The following PPP4R1 variants were observed in gnomAD, a reference collection of about 807,000 sequenced individuals.
The protein encoded by PPP4R1 is protein phosphatase 4 regulatory subunit 1.
Under a neutral mutation model 111.2 loss-of-function variants are expected in PPP4R1, and 42 were observed. The observed-to-expected ratio is 0.38, with a 90% CI of 0.29 to 0.49. The LOEUF is 0.49. PPP4R1 is among the 20% of genes least tolerant of loss of function. The pLI, the probability that PPP4R1 is intolerant of heterozygous loss-of-function variation, is 0.97. For missense variants in PPP4R1, 1,012 were observed against 1,161.6 expected (o/e 0.87, Z 1.87); for synonymous variants, 409 against 405.5 (o/e 1.01, Z -0.10).
chr18:9,578,590 A>C (rs1381527649), intron 9 of PPP4R1, among the ~76,000 whole-genome samples: 2 of 151,844 alleles, frequency 1.3e-5, no homozygotes, highest in Non-Finnish European at 2.9e-5. Flanking sequence ...ACCTTTTTCA[A>C]GTTTAAGATA....
chr18:9,556,214 G>A (rs2066581255), intron 15 of PPP4R1, among the ~76,000 whole-genome samples: 2 of 150,128 alleles, frequency 1.3e-5, no homozygotes, highest in South Asian at 4.2e-4. Flanking sequence ...ACTTTTTTGA[G>A]ATGGAGTCTT....
chr18:9,559,241 G>C (rs895491372), intron 14 of PPP4R1, among the ~76,000 whole-genome samples, 178 bp downstream of exon 14: 1 of 152,092 alleles, frequency 6.6e-6, no homozygotes. Flanking sequence ...CCAAATTGTG[G>C]GACTCTGACA....
At chr18:9,594,396 C>A (rs2067259744) in intron 3 of PPP4R1, among the ~76,000 whole-genome samples, 1 of 151,572 alleles carries the variant, frequency 6.6e-6, no homozygotes, top group African/African-American at 2.4e-5. Context: ...TTTTTTTAAT[C>A]TTTATCTAAC....
At chr18:9,557,403 T>C (rs1408003875) in intron 14 of PPP4R1, 21 bp from the exon 15 acceptor site, 3 of 1,578,146 alleles carry the variant, frequency 1.9e-6, no homozygotes, top group Non-Finnish European at 1.7e-6. Context: ...GAAAACACAT[T>C]AGTAAGCTAA....
intron 11 of PPP4R1, among the ~76,000 whole-genome samples, chr18:9,569,413 G>A (rs1372895874): frequency 6.6e-6 from 1 of 152,092 alleles, no homozygotes; most frequent in African/African-American, 2.4e-5. Context: ...GTGCAGTAGT[G>A]CGACAAACAT....
At chr18:9,568,659 G>A (rs919843083) in intron 11 of PPP4R1, among the ~76,000 whole-genome samples, 2 of 152,176 alleles carry the variant, frequency 1.3e-5, no homozygotes, top group African/African-American at 2.4e-5. Flanking sequence ...CAGAGAACTA[G>A]CAGGTACTAT....
chr18:9,594,485 T>C (rs893719547), intron 3 of PPP4R1, among the ~76,000 whole-genome samples: 1 of 152,214 alleles, frequency 6.6e-6, no homozygotes, highest in African/African-American at 2.4e-5. Flanking sequence ...TCATTCATTA[T>C]ACAAAATGTT....
chr18:9,561,795 G>A (rs912277945), intron 13 of PPP4R1, among the ~76,000 whole-genome samples, 185 bp downstream of exon 13: 4 of 152,136 alleles, frequency 2.6e-5, no homozygotes, highest in African/African-American at 9.7e-5. Flanking sequence ...CACAGAGGTA[G>A]AAAAGGGAAG....
chr18:9,598,278 T>C (rs954918165), intron 2 of PPP4R1, among the ~76,000 whole-genome samples: 3 of 152,124 alleles, frequency 2.0e-5, no homozygotes, highest in African/African-American at 7.2e-5. Flanking sequence ...GACAAAATTT[T>C]CCCAAATTTG....
chr18:9,607,772 T>C (rs2067506198), intron 2 of PPP4R1, among the ~76,000 whole-genome samples: 1 of 150,570 alleles, frequency 6.6e-6, no homozygotes, highest in Non-Finnish European at 1.5e-5. Flanking sequence ...TTTGGCAGTT[T>C]TTCTTTCTTT....
intron 2 of PPP4R1, among the ~76,000 whole-genome samples, chr18:9,603,488 G>A (rs1043939691): frequency 3.3e-5 from 5 of 151,856 alleles, no homozygotes; most frequent in Admixed American, 2.0e-4. Flanking sequence ...TTATATTAAC[G>A]GGAAATTCAA....
chr18:9,605,176 A>G (rs1235054728), intron 2 of PPP4R1, among the ~76,000 whole-genome samples: 7 of 152,210 alleles, frequency 4.6e-5, no homozygotes, highest in Non-Finnish European at 5.9e-5. Context: ...CATTTTAGAA[A>G]ATGAAAGACA....
At chr18:9,552,996 C>T (rs542139408) in intron 16 of PPP4R1, among the ~76,000 whole-genome samples, 6 of 152,172 alleles carry the variant, frequency 3.9e-5, no homozygotes, top group Non-Finnish European at 8.8e-5. Flanking sequence ...TTTTTCTTTT[C>T]GGGAGGTTAA....
chr18:9,566,446 G>A (rs963234220), intron 11 of PPP4R1, among the ~76,000 whole-genome samples: 20 of 151,626 alleles, frequency 1.3e-4, no homozygotes, highest in African/African-American at 4.8e-4. Flanking sequence ...GGTGAAGAGT[G>A]CGAGACCAGC....
intron 2 of PPP4R1, among the ~76,000 whole-genome samples, chr18:9,598,423 G>T (rs1291441497): frequency 6.6e-6 from 1 of 152,124 alleles, no homozygotes; most frequent in Admixed American, 6.5e-5. Context: ...CAGGCAGCCG[G>T]AGAAAAACTC....
At chr18:9,568,687 C>T (rs900672439) in intron 11 of PPP4R1, among the ~76,000 whole-genome samples, 10 of 152,140 alleles carry the variant, frequency 6.6e-5, no homozygotes, top group Admixed American at 2.6e-4. Context: ...TGAGAGCTCC[C>T]AGAACCGGCT....
chr18:9,603,397 T>G (rs1330899644), intron 2 of PPP4R1, among the ~76,000 whole-genome samples: 2 of 152,194 alleles, frequency 1.3e-5, no homozygotes, highest in African/African-American at 4.8e-5. Flanking sequence ...AAAATGTTAT[T>G]TACTAGGTTT....
At chr18:9,605,104 A>C (rs1568128539) in intron 2 of PPP4R1, among the ~76,000 whole-genome samples, 1 of 152,128 alleles carries the variant, frequency 6.6e-6, no homozygotes, top group Non-Finnish European at 1.5e-5. Flanking sequence ...CCTTCCCTTC[A>C]GTTTTTCCCT....
intron 11 of PPP4R1, among the ~76,000 whole-genome samples, chr18:9,567,584 TCTC>T (rs1017663767): frequency 6.6e-6 from 1 of 152,138 alleles, no homozygotes; most frequent in Non-Finnish European, 1.5e-5. Context: ...CAAGATGGAA[TCTC>T]CTCCTAGTGA....
Sources: allele counts gnomAD v4.1 joint callset (sites outside exome capture counted in the v4.1 genomes callset), GRCh38; gene constraint gnomAD v4.1.1; transcripts MANE v1.5; gene names NCBI Gene and HGNC (gene_info 2026-07-23, HGNC 2026-07-21).